RBM33: variants seen among roughly 807,000 people sequenced by gnomAD.
RBM33 encodes the protein RNA binding motif protein 33, also known as RNA-binding protein 33.
A neutral mutation model predicts 132.6 loss-of-function variants in RBM33; 28 were observed. That is an observed-to-expected ratio of 0.21 (90% confidence interval 0.16 to 0.29). RBM33 has a LOEUF of 0.29. Ranked by LOEUF, RBM33 falls within the 10% of genes least tolerant of loss-of-function variation. The pLI, the probability that RBM33 is intolerant of heterozygous loss-of-function variation, is 1.00. For synonymous variants in RBM33, 634 were observed against 593.0 expected (o/e 1.07, Z -1.01); for missense variants, 1,291 against 1,518.5 (o/e 0.85, Z 2.49).
chr7:155,764,032 C>G lies in RBM33; in HGVS notation c.3186+14C>G. ...CCGGCGAAGAAGGTACTGCTTGTTG[C>G]CTCGCACGCAGCCCTGGAAACGCGA... On this transcript the variant is annotated intron_variant, in intron 15 of 17. Transcript: ENST00000401878. The G allele has an allele frequency of 1.3e-6, 2 of 1,503,998 alleles. No homozygotes were observed. Among genetic ancestry groups the G allele is most frequent in the Non-Finnish European group, 1.8e-6 (2 of 1,124,344 alleles). 93.2% of individuals were successfully genotyped at this position (1,503,998 alleles called of 1,614,324 possible).
intron 8 of RBM33, among the ~76,000 whole-genome samples, chr7:155,713,758 GT>G (rs1384696475): frequency 6.6e-6 from 1 of 152,174 alleles, no homozygotes; most frequent in African/African-American, 2.4e-5. Context: ...TTGAGAGAAA[GT>G]TTTTTATTCT....
chr7:155,739,636 T>C, intron 11 of RBM33, 79 bp from the exon 12 acceptor site: 1 of 1,431,840 alleles, frequency 7.0e-7, no homozygotes, highest in Non-Finnish European at 9.2e-7. Context: ...GTGTTGAGGT[T>C]TTTTAGGAAA....
At chr7:155,671,325 CTGT>C (rs771942843) in intron 2 of RBM33, among the ~76,000 whole-genome samples, 2 of 152,182 alleles carry the variant, frequency 1.3e-5, no homozygotes, top group Non-Finnish European at 2.9e-5. Context: ...TTTTCAAGGG[CTGT>C]TAAGTTCTTG....
chr7:155,763,577 A>G (rs1277057048), intron 14 of RBM33, among the ~76,000 whole-genome samples: 2 of 152,248 alleles, frequency 1.3e-5, no homozygotes, highest in Non-Finnish European at 2.9e-5. Context: ...ATATGAATAT[A>G]GTAATTAAAG....
intron 9 of RBM33, among the ~76,000 whole-genome samples, chr7:155,728,745 T>C (rs1362138755): frequency 2.0e-5 from 3 of 152,214 alleles, no homozygotes; most frequent in Non-Finnish European, 4.4e-5. Context: ...AACATATGAT[T>C]AGGGACTGAT....
intron 5 of RBM33, among the ~76,000 whole-genome samples, chr7:155,689,413 C>A (rs543755367): frequency 2.1e-4 from 31 of 150,502 alleles, no homozygotes; most frequent in African/African-American, 7.5e-4. Flanking sequence ...TTGATCTTTT[C>A]AAAAAACCAG....
chr7:155,679,149 G>C (rs1799266461), intron 4 of RBM33, among the ~76,000 whole-genome samples: 1 of 152,068 alleles, frequency 6.6e-6, no homozygotes, highest in Admixed American at 6.5e-5. Flanking sequence ...TCCAGCCTGG[G>C]AGACAGAGTG....
chr7:155,679,789 A>G (rs1210860821), intron 4 of RBM33, among the ~76,000 whole-genome samples: 1 of 152,218 alleles, frequency 6.6e-6, no homozygotes, highest in African/African-American at 2.4e-5. Flanking sequence ...TTTTTTAGAC[A>G]CAGTATCTTG....
intron 7 of RBM33, among the ~76,000 whole-genome samples, chr7:155,708,631 C>G (rs979491347): frequency 3.3e-5 from 5 of 152,194 alleles, no homozygotes; most frequent in African/African-American, 1.2e-4. Context: ...GACGTTGTAT[C>G]TCTGGATTGT....
chr7:155,746,136 T>C (rs765266634), intron 14 of RBM33, among the ~76,000 whole-genome samples: 6 of 152,210 alleles, frequency 3.9e-5, no homozygotes, highest in Non-Finnish European at 7.3e-5. Context: ...ATCCCTAAAT[T>C]AGATATCACT....
At chr7:155,661,146 A>ATATTTTTTTT (rs1421586760) in intron 1 of RBM33, among the ~76,000 whole-genome samples, 68 of 81,172 alleles carry the variant, frequency 8.4e-4, no homozygotes, top group Non-Finnish European at 1.4e-3. Context: ...ATATATATAT[A>ATATTTTTTTT]TTTTTTTTTT....
chr7:155,689,003 G>T (rs1259681231), intron 5 of RBM33, among the ~76,000 whole-genome samples: 3 of 152,200 alleles, frequency 2.0e-5, no homozygotes. Context: ...AGTTAGGGAG[G>T]ATTCCCTCTT....
intron 8 of RBM33, among the ~76,000 whole-genome samples, chr7:155,712,684 G>A (rs1241749941): frequency 6.6e-6 from 1 of 152,198 alleles, no homozygotes; most frequent in African/African-American, 2.4e-5. Context: ...CAAGTATAAG[G>A]GGGCTTCCTC....
rs559132387 is a variant in RBM33 at position 155,676,617 on chromosome 7, T to C, written c.172-1991T>C. On this transcript the variant is annotated intron_variant, in intron 3 of 17. Transcript: ENST00000401878. ...GAAAGATTGAGAGAAAGGATTTCAC[T>C]AGCATCTGTGGCCACTTTATCTTCA... 2.0e-5 allele frequency among the ~76,000 whole-genome samples: 3 copies of C among 152,354 alleles called. No individual in the cohort carries two copies. In the South Asian group the frequency reaches 6.2e-4, roughly 32 times the overall value.
intron 9 of RBM33, among the ~76,000 whole-genome samples, chr7:155,737,117 A>G (rs1168137662): frequency 6.6e-6 from 1 of 152,218 alleles, no homozygotes; most frequent in Non-Finnish European, 1.5e-5. Context: ...ATCCACAGAT[A>G]CTTAGCATTG....
intron 7 of RBM33, among the ~76,000 whole-genome samples, chr7:155,710,486 A>G (rs906163324): frequency 1.3e-5 from 2 of 152,210 alleles, no homozygotes; most frequent in Admixed American, 6.5e-5. Context: ...TGACTGTTTG[A>G]TAAAATAACC....
At chr7:155,684,304 T>C (rs552329024) in intron 5 of RBM33, among the ~76,000 whole-genome samples, 197 of 152,182 alleles carry the variant, frequency 1.3e-3, no homozygotes, top group Non-Finnish European at 2.4e-3. Context: ...GATCAGACGT[T>C]GTCACTTGTT....
chr7:155,774,783 A>G lies in RBM33; in HGVS notation c.3464+136A>G. 1.2e-6 allele frequency: 1 copy of G among 839,950 alleles called. No individual in the cohort carries two copies. The highest frequency in any genetic ancestry group is 1.5e-5 in the South Asian group (1 of 67,220). 52.0% of individuals were successfully genotyped at this position (839,950 alleles called of 1,614,324 possible). A position where few individuals can be genotyped will look rare whatever the true frequency, so the allele number is the denominator to read the frequency against. The stretch of plus-strand genomic sequence containing the variant: ...AGAAGGACACTAGGGCACAAAGCGC[A>G]GACGGTGATCCTGTCATGAGGCGCG... On this transcript the variant is annotated intron_variant, in intron 17 of 17. Coordinates refer to ENST00000401878, the MANE Select transcript of RBM33 (RefSeq NM_053043.3). This position sits in a 1 kb window ranked among gnomAD's most constrained non-coding sequence, Gnocchi z 4.2.
At position 155,692,904 on chromosome 7, in the gene RBM33, A is replaced by G. The variant is rs144287268; in HGVS notation, c.568-7869A>G. On this transcript the variant is annotated intron_variant, in intron 5 of 17. Coordinates refer to ENST00000401878, the MANE Select transcript of RBM33 (RefSeq NM_053043.3). ...TTGAAAATAAATGGAACCAATGTAT[A>G]AAAGAGTAAATCATGGCCTAACCTT... Among the ~76,000 whole-genome samples the G allele has an allele frequency of 1.1e-3, 175 of 152,332 alleles. 2 individuals carry two copies. Among genetic ancestry groups the G allele is most frequent in the African/African-American group, 3.9e-3 (164 of 41,578 alleles).
Sources: allele counts gnomAD v4.1 joint callset (sites outside exome capture counted in the v4.1 genomes callset), GRCh38; gene constraint gnomAD v4.1.1; non-coding constraint Gnocchi (gnomAD v3.1); transcripts MANE v1.5; gene names NCBI Gene and HGNC (gene_info 2026-07-23, HGNC 2026-07-21).